Variants in OR1J2 observed in about 807,000 individuals in gnomAD.
OR1J2 encodes olfactory receptor family 1 subfamily J member 2.
For missense variants in OR1J2, 304 were observed against 246.1 expected (o/e 1.24, Z -1.57); for synonymous variants, 142 against 99.7 (o/e 1.42, Z -2.52).
At chr9:122,489,314 C>T in the OR1J2 span, among the ~76,000 whole-genome samples, 22 of 151,916 alleles carry the variant, frequency 1.4e-4, no homozygotes, top group Admixed American at 2.6e-4. Context: ...CGCCAGACTA[C>T]GGAGGATTCA....
At chr9:122,563,074 A>T in the OR1J2 span, among the ~76,000 whole-genome samples, 1 of 152,058 alleles carries the variant, frequency 6.6e-6, no homozygotes, top group Non-Finnish European at 1.5e-5. Flanking sequence ...GATATATTTT[A>T]ATTTTTTGAG....
At chr9:122,572,273 A>C in the OR1J2 span, among the ~76,000 whole-genome samples, 1 of 152,348 alleles carries the variant, frequency 6.6e-6, no homozygotes, top group East Asian at 1.9e-4. Context: ...ACAGATCCAA[A>C]CCATATCAAA....
At chr9:122,543,559 T>C in the OR1J2 span, among the ~76,000 whole-genome samples, 1 of 152,138 alleles carries the variant, frequency 6.6e-6, no homozygotes, top group Non-Finnish European at 1.5e-5. Context: ...TTTTAGGAGG[T>C]AAATTGTAAT....
chr9:122,530,873 GA>G, the OR1J2 span, among the ~76,000 whole-genome samples: 11 of 152,182 alleles, frequency 7.2e-5, no homozygotes, highest in Admixed American at 7.2e-4. Context: ...TGTCATCAGT[GA>G]AGGCAGGAAC....
At chr9:122,486,177 C>T in the OR1J2 span, among the ~76,000 whole-genome samples, 2 of 152,054 alleles carry the variant, frequency 1.3e-5, no homozygotes, top group African/African-American at 4.8e-5. Flanking sequence ...CCAGGCTGGC[C>T]TTGAACTCCT....
At chr9:122,520,832 C>G in the OR1J2 span, among the ~76,000 whole-genome samples, 1 of 152,136 alleles carries the variant, frequency 6.6e-6, no homozygotes, top group Non-Finnish European at 1.5e-5. Context: ...GCTTAATGGC[C>G]CCTAGTTTGT....
At chr9:122,495,408 A>C in the OR1J2 span, among the ~76,000 whole-genome samples, 3 of 152,024 alleles carry the variant, frequency 2.0e-5, no homozygotes. Context: ...CTTGTCTTAG[A>C]CAGATTGAGT....
chr9:122,558,084 T>C, the OR1J2 span, among the ~76,000 whole-genome samples: 12 of 152,004 alleles, frequency 7.9e-5, no homozygotes, highest in African/African-American at 2.4e-4. Context: ...TAGTAACTTG[T>C]GTCTTCTTTC....
the OR1J2 span, among the ~76,000 whole-genome samples, chr9:122,504,403 CT>C: frequency 4.6e-5 from 7 of 152,322 alleles, no homozygotes; most frequent in Middle Eastern, 3.4e-3. Flanking sequence ...TCTGAACCAG[CT>C]GCAGAATCTT....
the OR1J2 span, among the ~76,000 whole-genome samples, chr9:122,487,175 A>G: frequency 6.6e-6 from 1 of 152,152 alleles, no homozygotes; most frequent in Admixed American, 6.6e-5. Flanking sequence ...TTATGATATA[A>G]TTTTTAAAGG....
At chr9:122,477,031 C>T in the OR1J2 span, 2 of 1,613,858 alleles carry the variant, frequency 1.2e-6, no homozygotes, top group Non-Finnish European at 1.7e-6. Context: ...TCTTAGGGCT[C>T]CCTTAATGTC....
At chr9:122,567,706 A>C in the OR1J2 span, 9 of 1,614,126 alleles carry the variant, frequency 5.6e-6, no homozygotes, top group Non-Finnish European at 7.6e-6. Flanking sequence ...AAATAGACAC[A>C]GAAGATGCTT....
the OR1J2 span, among the ~76,000 whole-genome samples, chr9:122,554,642 G>A: frequency 6.6e-6 from 1 of 152,180 alleles, no homozygotes; most frequent in Non-Finnish European, 1.5e-5. Context: ...GTCAATTTAT[G>A]CCTATCGACT....
At chr9:122,567,087 A>T in the OR1J2 span, 1 of 152,464 alleles carries the variant, frequency 6.6e-6, no homozygotes, top group African/African-American at 2.4e-5. Context: ...AAAAATTCTC[A>T]AGAAGAGAAA....
the OR1J2 span, among the ~76,000 whole-genome samples, chr9:122,458,406 TATTA>T: frequency 2.6e-5 from 4 of 152,228 alleles, no homozygotes; most frequent in Non-Finnish European, 5.9e-5. Flanking sequence ...TTATGGGGTG[TATTA>T]ATTCTCACAG....
the OR1J2 span, among the ~76,000 whole-genome samples, chr9:122,575,134 TGA>T: frequency 3.3e-5 from 5 of 152,234 alleles, no homozygotes; most frequent in East Asian, 9.6e-4. Flanking sequence ...TGTATGTTTA[TGA>T]GAGATACAGG....
the OR1J2 span, among the ~76,000 whole-genome samples, chr9:122,485,077 A>G: frequency 6.6e-6 from 1 of 152,044 alleles, no homozygotes; most frequent in Non-Finnish European, 1.5e-5. Context: ...CACTTTCTCA[A>G]CTGGATTCAA....
chr9:122,505,176 T>C, the OR1J2 span, among the ~76,000 whole-genome samples: 1 of 152,186 alleles, frequency 6.6e-6, no homozygotes, highest in African/African-American at 2.4e-5. Flanking sequence ...TTGTTATAAC[T>C]GAATACCTGA....
chr9:122,505,506 T>G, the OR1J2 span, among the ~76,000 whole-genome samples: 1 of 149,612 alleles, frequency 6.7e-6, no homozygotes, highest in East Asian at 1.9e-4. Flanking sequence ...CTCTCAACAC[T>G]GACACATTGG....
Sources: allele counts gnomAD v4.1 joint callset (sites outside exome capture counted in the v4.1 genomes callset), GRCh38; gene constraint gnomAD v4.1.1; transcripts MANE v1.5; gene names NCBI Gene and HGNC (gene_info 2026-07-23, HGNC 2026-07-21).